Variants in FBXL7 observed in about 807,000 individuals in gnomAD.
The protein encoded by FBXL7 is F-box/LRR-repeat protein 7.
Under a neutral mutation model 38.3 loss-of-function variants are expected in FBXL7, and 12 were observed. The observed-to-expected ratio is 0.31, with a 90% CI of 0.20 to 0.51. The LOEUF is 0.51. FBXL7 is among the 20% of genes least tolerant of loss of function. The pLI is 0.98. For synonymous variants in FBXL7, 297 were observed against 300.9 expected (o/e 0.99, Z 0.13); for missense variants, 567 against 676.4 (o/e 0.84, Z 1.79).
chr5:15,829,638 A>G (rs985185080), intron 2 of FBXL7, among the ~76,000 whole-genome samples: 6 of 152,192 alleles, frequency 3.9e-5, no homozygotes, highest in Non-Finnish European at 8.8e-5. Context: ...TTTCATCTTA[A>G]TAGCATTGGC....
At chr5:15,568,232 A>G (rs897131651) in intron 1 of FBXL7, among the ~76,000 whole-genome samples, 3 of 151,674 alleles carry the variant, frequency 2.0e-5, no homozygotes, top group Non-Finnish European at 4.4e-5. Context: ...AAGTGTTCCT[A>G]TTTCTCCACA....
chr5:15,886,719 CG>C (rs1740693562), intron 2 of FBXL7, among the ~76,000 whole-genome samples: 2 of 152,138 alleles, frequency 1.3e-5, no homozygotes, highest in Non-Finnish European at 2.9e-5. Context: ...GCAGTGTACA[CG>C]GAGCCAAGGA....
chr5:15,871,372 C>CA (rs896113138), intron 2 of FBXL7, among the ~76,000 whole-genome samples: 8 of 152,124 alleles, frequency 5.3e-5, no homozygotes, highest in Admixed American at 3.9e-4. Flanking sequence ...CTGAAAATTC[C>CA]AAAAACTAGA....
intron 2 of FBXL7, among the ~76,000 whole-genome samples, chr5:15,724,354 T>G (rs1284315781): frequency 1.3e-5 from 2 of 152,328 alleles, no homozygotes; most frequent in African/African-American, 4.8e-5. Context: ...TGAGGTGTAA[T>G]GTACAGACAA....
At chr5:15,569,390 TTGTC>T (rs1160739887) in intron 1 of FBXL7, among the ~76,000 whole-genome samples, 1 of 151,144 alleles carries the variant, frequency 6.6e-6, no homozygotes, top group Non-Finnish European at 1.5e-5. Flanking sequence ...GGCTCTCTGT[TTGTC>T]TGTTATTGGT....
chr5:15,740,425 C>T (rs751433866), intron 2 of FBXL7, among the ~76,000 whole-genome samples: 26 of 152,138 alleles, frequency 1.7e-4, no homozygotes, highest in Admixed American at 3.9e-4. Flanking sequence ...TACAAATGAA[C>T]TATCTTTAAA....
chr5:15,576,099 T>TTTTTTTG (rs1738957743), intron 1 of FBXL7, among the ~76,000 whole-genome samples: 1 of 100,236 alleles, frequency 1.0e-5, no homozygotes, highest in Non-Finnish European at 2.0e-5. Flanking sequence ...TTTTTTTTTT[T>TTTTTTTG]GAGATGGAGT....
chr5:15,643,677 C>A (rs929374874), intron 2 of FBXL7, among the ~76,000 whole-genome samples: 4 of 152,214 alleles, frequency 2.6e-5, no homozygotes, highest in Non-Finnish European at 5.9e-5. Context: ...AAGGAAGCAT[C>A]TGCTTCTCTC....
At chr5:15,604,223 T>C (rs1739917063) in intron 1 of FBXL7, among the ~76,000 whole-genome samples, 1 of 152,210 alleles carries the variant, frequency 6.6e-6, no homozygotes, top group Non-Finnish European at 1.5e-5. Context: ...CTTTTCATTA[T>C]TAGCTATTAC....
chr5:15,560,481 A>G (rs1382856699), intron 1 of FBXL7, among the ~76,000 whole-genome samples: 3 of 152,146 alleles, frequency 2.0e-5, no homozygotes, highest in Non-Finnish European at 4.4e-5. Flanking sequence ...TGGGCTCCCA[A>G]CAGCTCATGC....
intron 1 of FBXL7, among the ~76,000 whole-genome samples, chr5:15,522,270 T>C (rs1737118049): frequency 6.6e-6 from 1 of 152,172 alleles, no homozygotes. Context: ...TCCCCTTTTG[T>C]CCCACACAAC....
chr5:15,757,613 A>G (rs1701266452), intron 2 of FBXL7, among the ~76,000 whole-genome samples: 1 of 152,034 alleles, frequency 6.6e-6, no homozygotes, highest in Non-Finnish European at 1.5e-5. Flanking sequence ...TGCACAGAAG[A>G]ATCTCAGATT....
rs56804352 is a variant in FBXL7, at chr5:15,903,835, G to T, written c.128-24055G>T. Reference sequence around the variant, plus strand: ...TCATTCAAAGAAATCCAGTACAGAGGTGGCAGAACTCTTTTATCTTTCTAT... The same window carrying T: ...TCATTCAAAGAAATCCAGTACAGAGTTGGCAGAACTCTTTTATCTTTCTAT... On this transcript the variant is annotated intron_variant, in intron 2 of 3. Coordinates refer to ENST00000504595, the MANE Select transcript of FBXL7 (RefSeq NM_012304.5). Among the ~76,000 whole-genome samples the T allele has an allele frequency of 6.6e-3, 1,003 of 152,260 alleles. 14 individuals carry two copies. Among genetic ancestry groups the T allele is most frequent in the African/African-American group, 0.023 (949 of 41,554 alleles).
chr5:15,634,342 GAC>G (rs1741107006), intron 2 of FBXL7, among the ~76,000 whole-genome samples: 1 of 87,990 alleles, frequency 1.1e-5, no homozygotes, highest in African/African-American at 3.8e-5. Flanking sequence ...TTTTTTAAAA[GAC>G]AGAGTCTCGT....
intron 2 of FBXL7, among the ~76,000 whole-genome samples, chr5:15,654,024 C>T (rs377133695): frequency 2.6e-5 from 4 of 152,160 alleles, no homozygotes; most frequent in African/African-American, 9.6e-5. Flanking sequence ...CAGCAATGAA[C>T]CTGTCAACAC....
At chr5:15,733,086 T>G (rs1735634089) in intron 2 of FBXL7, among the ~76,000 whole-genome samples, 2 of 149,074 alleles carry the variant, frequency 1.3e-5, no homozygotes. Context: ...AAAATCATGT[T>G]TTTTGTTTCT....
chr5:15,784,377 A>C (rs1737079913), intron 2 of FBXL7, among the ~76,000 whole-genome samples: 1 of 152,090 alleles, frequency 6.6e-6, no homozygotes, highest in South Asian at 2.1e-4. Flanking sequence ...TTACATGGAG[A>C]TGTTTACTGA....
chr5:15,654,129 C>G lies in FBXL7; in HGVS notation c.127+38057C>G, dbSNP rs542565874. 8.5e-5 allele frequency among the ~76,000 whole-genome samples: 13 copies of G among 152,184 alleles called. No individual in the cohort carries two copies. In the East Asian group the frequency reaches 1.9e-3, roughly 23 times the overall value. The stretch of plus-strand genomic sequence containing the variant: ...AACTAATTAGACTGGCTTACATCCC[C>G]GTAGACAGTGAAACCAATTATTTCT... On this transcript the variant is annotated intron_variant, in intron 2 of 3. Transcript: ENST00000504595.
intron 1 of FBXL7, among the ~76,000 whole-genome samples, chr5:15,552,893 C>A (rs962936936): frequency 6.6e-6 from 1 of 152,068 alleles, no homozygotes; most frequent in Non-Finnish European, 1.5e-5. Flanking sequence ...ACCATCCTGG[C>A]CAACATGGTG....
Sources: gnomAD v4.1 joint callset for allele counts (sites outside exome capture counted in the v4.1 genomes callset) on GRCh38, gnomAD v4.1.1 for gene constraint, MANE v1.5 for transcripts, NCBI Gene and HGNC (gene_info 2026-07-23, HGNC 2026-07-21) for gene names.